The following GABRA5 variants were observed in gnomAD, a reference collection of about 807,000 sequenced individuals.
GABRA5 encodes the protein gamma-aminobutyric acid receptor subunit alpha-5.
In GABRA5, 18 loss-of-function variants were observed where a neutral mutation model predicts 47.3. The ratio of observed to expected loss-of-function variants is 0.38; its 90% confidence interval spans 0.26 to 0.56. GABRA5 has a LOEUF of 0.56. Among genes scored for constraint, GABRA5 ranks in the 20% least tolerant of loss-of-function variants. GABRA5 has a pLI of 0.71. For missense variants in GABRA5, 365 were observed against 599.3 expected (o/e 0.61, Z 4.08); for synonymous variants, 237 against 229.3 (o/e 1.03, Z -0.30).
At chr15:26,930,637 A>G (rs1894078989) in intron 7 of GABRA5, among the ~76,000 whole-genome samples, 1 of 152,042 alleles carries the variant, frequency 6.6e-6, no homozygotes, top group Admixed American at 6.6e-5. Context: ...TTGCTTATAT[A>G]TTCTCTAAGA....
At chr15:26,881,609 A>G (rs1892730335) in intron 4 of GABRA5, among the ~76,000 whole-genome samples, 1 of 152,200 alleles carries the variant, frequency 6.6e-6, no homozygotes, top group Non-Finnish European at 1.5e-5. Flanking sequence ...TCTACAGTTT[A>G]GATGTGGAGT....
intron 7 of GABRA5, among the ~76,000 whole-genome samples, chr15:26,923,122 A>G (rs2140301517): frequency 6.6e-6 from 1 of 152,272 alleles, no homozygotes; most frequent in South Asian, 2.1e-4. Context: ...TGAACCATCA[A>G]ACTTAATTTT....
intron 3 of GABRA5, among the ~76,000 whole-genome samples, chr15:26,872,030 G>A (rs955075406): frequency 6.6e-6 from 1 of 152,118 alleles, no homozygotes; most frequent in African/African-American, 2.4e-5. Context: ...GGGAAGCCAG[G>A]TTCACACATT....
chr15:26,933,295 C>G (rs1419305675), intron 7 of GABRA5, among the ~76,000 whole-genome samples: 1 of 152,076 alleles, frequency 6.6e-6, no homozygotes, highest in Non-Finnish European at 1.5e-5. Context: ...GGACGTAATT[C>G]AAAGACAGCC....
chr15:26,869,084 A>G, intron 2 of GABRA5, 91 bp from the exon 3 acceptor site: 2 of 587,410 alleles, frequency 3.4e-6, no homozygotes. Flanking sequence ...TTTCTTTGCA[A>G]ATTGTTGTGA....
chr15:26,896,624 A>G (rs1389634303), intron 6 of GABRA5, among the ~76,000 whole-genome samples: 1 of 152,188 alleles, frequency 6.6e-6, no homozygotes, highest in East Asian at 1.9e-4. Context: ...ATTTCAATTT[A>G]TAGTACCCCA....
chr15:26,930,008 T>TC (rs1226351843), intron 7 of GABRA5, among the ~76,000 whole-genome samples: 1,050 of 40,014 alleles, frequency 0.026, 7 homozygotes, highest in Middle Eastern at 0.12. Context: ...TTCTTCTTCT[T>TC]TTTTTTTTTT....
intron 7 of GABRA5, among the ~76,000 whole-genome samples, chr15:26,916,613 C>A (rs1802823222): frequency 6.6e-6 from 1 of 152,022 alleles, no homozygotes; most frequent in Non-Finnish European, 1.5e-5. Flanking sequence ...ATAAAAACTG[C>A]TGCTGGAATT....
chr15:26,890,714 T>C (rs974048056), intron 6 of GABRA5, among the ~76,000 whole-genome samples: 19 of 152,360 alleles, frequency 1.2e-4, no homozygotes, highest in African/African-American at 4.6e-4. Context: ...TTTGGACATA[T>C]ATGTCTCAAT....
At chr15:26,941,304 G>T (rs536859065) in intron 9 of GABRA5, among the ~76,000 whole-genome samples, 3 of 152,174 alleles carry the variant, frequency 2.0e-5, no homozygotes, top group African/African-American at 4.8e-5. Context: ...TTATTGTTGG[G>T]TTTTTTGGCG....
rs1002997631 is a variant in GABRA5 at position 26,881,042 on chromosome 15, C to T, written c.208+75C>T. 3.1e-5 allele frequency: 47 copies of T among 1,505,072 alleles called. No individual in the cohort carries two copies. The East Asian group carries it at 4.2e-4, about 13-fold the overall frequency. The allele number at this position is 1,505,072 out of a possible 1,614,324, so 93.2% of individuals were successfully genotyped here. ...AAGTCTCGTCTCAAGCTTGTGTTTGCGCTGATTCAAACAATTCCTAAAAGA... is the reference window on the plus strand; with the variant it reads ...AAGTCTCGTCTCAAGCTTGTGTTTGTGCTGATTCAAACAATTCCTAAAAGA... On this transcript the variant is annotated intron_variant, in intron 4 of 10. Transcript: ENST00000335625.
intron 6 of GABRA5, among the ~76,000 whole-genome samples, chr15:26,899,213 T>C (rs1893269464): frequency 6.6e-6 from 1 of 152,230 alleles, no homozygotes; most frequent in African/African-American, 2.4e-5. Context: ...CCATTTGTTA[T>C]TTAGAAATGT....
chr15:26,874,798 A>G (rs1682397322), intron 3 of GABRA5, among the ~76,000 whole-genome samples: 1 of 152,250 alleles, frequency 6.6e-6, no homozygotes, highest in Non-Finnish European at 1.5e-5. Context: ...GTCAACCTAA[A>G]AGTGAATGAA....
chr15:26,943,239 C>T lies in GABRA5; in HGVS notation c.902C>T (p.Thr301Met), dbSNP rs1595438268. 1 of 1,557,534 alleles carries T rather than the reference C, an allele frequency of 6.4e-7. No homozygotes were observed. The change falls in exon 10 of 11, where the codon ACG becomes ATG. Residue 301 changes from threonine (T) to methionine (M), a missense_variant. Transcript: ENST00000335625. ...GGGGTCACCACGGTGCTGACCATGA[C>T]GACCCTCAGCATCAGCGCCAGGAAC... ...VFGVTTVLTM[T>M]TLSISARNSL... is the part of the protein sequence containing the mutation.
At chr15:26,920,572 C>T (rs1893820341) in intron 7 of GABRA5, among the ~76,000 whole-genome samples, 1 of 152,070 alleles carries the variant, frequency 6.6e-6, no homozygotes, top group African/African-American at 2.4e-5. Flanking sequence ...TATATAACTC[C>T]ATTTCATTAG....
At chr15:26,930,016 T>TTTTTG (rs1894059840) in intron 7 of GABRA5, among the ~76,000 whole-genome samples, 1 of 128,470 alleles carries the variant, frequency 7.8e-6, no homozygotes, top group African/African-American at 2.9e-5. Flanking sequence ...CTTTTTTTTT[T>TTTTTG]TTTTTTGTTT....
At chr15:26,937,775 G>A (rs924133626) in intron 8 of GABRA5, among the ~76,000 whole-genome samples, 1 of 152,250 alleles carries the variant, frequency 6.6e-6, no homozygotes, top group African/African-American at 2.4e-5. Flanking sequence ...TCAATGCCAA[G>A]TGCCCTGGGC....
intron 3 of GABRA5, among the ~76,000 whole-genome samples, chr15:26,875,885 G>A (rs577645161): frequency 3.3e-5 from 5 of 152,140 alleles, no homozygotes; most frequent in Admixed American, 2.0e-4. Context: ...TGACTTAAAC[G>A]TTGAAGCTCA....
chr15:26,874,938 A>G (rs937889775), intron 3 of GABRA5, among the ~76,000 whole-genome samples: 43 of 152,196 alleles, frequency 2.8e-4, no homozygotes, highest in African/African-American at 9.6e-4. Flanking sequence ...GACAGAGGGC[A>G]GTGTAGCTGC....
Sources: gnomAD v4.1 joint callset for allele counts (sites outside exome capture counted in the v4.1 genomes callset) on GRCh38, gnomAD v4.1.1 for gene constraint, MANE v1.5 for transcripts, NCBI Gene and HGNC (gene_info 2026-07-23, HGNC 2026-07-21) for gene names.